Variants in CFAP70 observed in about 807,000 individuals in gnomAD.
CFAP70 encodes cilia and flagella associated protein 70.
In CFAP70, 81 loss-of-function variants were observed where a neutral mutation model predicts 137.6. That is an observed-to-expected ratio of 0.59 (90% CI 0.49 to 0.71). CFAP70 has a LOEUF of 0.71. Among genes scored for constraint, CFAP70 ranks in the 30% least tolerant of loss-of-function variants. The pLI is 0.00. For synonymous variants in CFAP70, 382 were observed against 423.6 expected (o/e 0.90, Z 1.20); for missense variants, 976 against 1,226.7 (o/e 0.80, Z 3.05).
At chr10:73,264,368 A>G (rs768935409) in intron 25 of CFAP70, among the ~76,000 whole-genome samples, 3 of 152,238 alleles carry the variant, frequency 2.0e-5, no homozygotes, top group African/African-American at 4.8e-5. Context: ...ATTTAGACAC[A>G]TATGAATATA....
In CFAP70 at chr10:73,275,586, C is replaced by T; in HGVS notation, c.2533G>A (p.Val845Met). 6.3e-7 allele frequency: 1 copy of T among 1,597,148 alleles called. No individual in the cohort carries two copies. Among genetic ancestry groups the T allele is most frequent in the East Asian group, 2.3e-5 (1 of 43,880 alleles). Reference sequence around the variant, plus strand: ...GGGCATAACAGCTCATGTGCAAGCACTCTGTGCACATACTGCAAGGATAAT... The same window carrying T: ...GGGCATAACAGCTCATGTGCAAGCATTCTGTGCACATACTGCAAGGATAAT... Residue 845 changes from valine (V) to methionine (M), a missense_variant, in exon 22 of 27, where the codon GTG (valine) becomes ATG (methionine). Transcript: ENST00000310715. This position sits in a 1 kb window ranked among gnomAD's most constrained non-coding sequence, Gnocchi z 4.0.
chr10:73,321,327 AG>A (rs1227691888), intron 9 of CFAP70, among the ~76,000 whole-genome samples: 1 of 152,170 alleles, frequency 6.6e-6, no homozygotes, highest in Admixed American at 6.5e-5. Flanking sequence ...CTGAGGCAGG[AG>A]AATTGCTTGA....
intron 19 of CFAP70, 117 bp downstream of exon 20, chr10:73,291,109 G>T: frequency 1.2e-6 from 1 of 825,172 alleles, no homozygotes; most frequent in South Asian, 1.6e-5. Context: ...TGAACTCCTG[G>T]GCTCAAGTGA....
upstream of CFAP70, among the ~76,000 whole-genome samples, chr10:73,362,297 T>C (rs1370965449): frequency 6.6e-6 from 1 of 152,174 alleles, no homozygotes; most frequent in Non-Finnish European, 1.5e-5. Context: ...ACTAAAACTA[T>C]AAATTTGAGG....
At chr10:73,345,135 G>C (rs1406606794) in intron 4 of CFAP70, 1 of 1,614,196 alleles carries the variant, frequency 6.2e-7, no homozygotes, top group South Asian at 1.1e-5. Context: ...GAAGGATTCA[G>C]GCACAGAGTA....
At chr10:73,283,623 T>G (rs552036831) in intron 19 of CFAP70, among the ~76,000 whole-genome samples, 1 of 152,352 alleles carries the variant, frequency 6.6e-6, no homozygotes, top group African/African-American at 2.4e-5. Flanking sequence ...CTCTGGAGTC[T>G]TCTTTGTCCA....
chr10:73,298,515 T>C (rs970260538), intron 14 of CFAP70, among the ~76,000 whole-genome samples: 11 of 152,182 alleles, frequency 7.2e-5, no homozygotes, highest in African/African-American at 2.7e-4. Flanking sequence ...AGGCCTCCTT[T>C]CTGATAACTG....
intron 4 of CFAP70, among the ~76,000 whole-genome samples, chr10:73,345,988 T>C (rs927399842): frequency 6.6e-6 from 1 of 150,656 alleles, no homozygotes; most frequent in Admixed American, 6.6e-5. Flanking sequence ...CAACCCCGCC[T>C]CCTGGGTTCA....
chr10:73,270,904 C>G (rs2046252751), intron 24 of CFAP70, among the ~76,000 whole-genome samples: 1 of 152,144 alleles, frequency 6.6e-6, no homozygotes, highest in Non-Finnish European at 1.5e-5. Context: ...GGCCTTTCAC[C>G]CACACCCATA....
Position 73,275,062 on chromosome 10 carries a change from C to G in CFAP70, c.2673+384G>C, listed in dbSNP as rs2046602589. ...TGGCTCAATCTCCGCTCACTGCAAC[C>G]TCCGCCTCCCAGGTTCAGGCGAGTC... is the stretch of plus-strand genomic sequence containing the variant. On this transcript the variant is annotated intron_variant, in intron 22 of 26. Coordinates refer to ENST00000310715, the Ensembl canonical transcript of CFAP70. The surrounding 1 kb of genome is among the most constrained non-coding windows in gnomAD (Gnocchi z 4.0). 1 of 162,288 alleles carries G rather than the reference C, an allele frequency of 6.2e-6. No homozygotes were observed. The highest frequency in any genetic ancestry group is 1.9e-4 in the South Asian group (1 of 5,358). 10.1% of individuals were successfully genotyped at this position (162,288 alleles called of 1,614,324 possible). A position where few individuals can be genotyped will look rare whatever the true frequency, so the allele number is the denominator to read the frequency against.
chr10:73,278,889 G>A (rs1336493698), intron 19 of CFAP70, among the ~76,000 whole-genome samples: 2 of 151,394 alleles, frequency 1.3e-5, no homozygotes, highest in Admixed American at 1.3e-4. Context: ...GCTGAGGCAG[G>A]AGAATGGCGT....
chr10:73,316,487 G>GATAT (rs551707557), intron 9 of CFAP70, among the ~76,000 whole-genome samples: 3,308 of 100,802 alleles, frequency 0.033, 53 homozygotes, highest in African/African-American at 0.046. Context: ...TATAGATATA[G>GATAT]ATATATATAT....
At chr10:73,281,419 C>CCTCAA (rs2047250316) in intron 19 of CFAP70, among the ~76,000 whole-genome samples, 1 of 151,714 alleles carries the variant, frequency 6.6e-6, no homozygotes, top group African/African-American at 2.4e-5. Flanking sequence ...AAACTCCTGG[C>CCTCAA]CTCAAGTGAT....
intron 12 of CFAP70, among the ~76,000 whole-genome samples, chr10:73,307,074 G>A (rs905471264): frequency 1.3e-5 from 2 of 152,174 alleles, no homozygotes; most frequent in Non-Finnish European, 2.9e-5. Flanking sequence ...CAATAACAAT[G>A]TAACGGGAGG....
chr10:73,304,248 T>C (rs748827480), intron 12 of CFAP70, among the ~76,000 whole-genome samples: 5 of 152,166 alleles, frequency 3.3e-5, no homozygotes, highest in Non-Finnish European at 5.9e-5. Context: ...GAGGCAGGGT[T>C]TCCCCACATT....
At chr10:73,347,915 A>G (rs1452188995) in intron 4 of CFAP70, among the ~76,000 whole-genome samples, 1 of 152,216 alleles carries the variant, frequency 6.6e-6, no homozygotes, top group African/African-American at 2.4e-5. Flanking sequence ...TACCTGCTCT[A>G]TGCCCATGTG....
chr10:73,284,283 T>C (rs1475498073), intron 19 of CFAP70, among the ~76,000 whole-genome samples: 2 of 151,582 alleles, frequency 1.3e-5, no homozygotes, highest in Non-Finnish European at 2.9e-5. Context: ...CGTTATCACA[T>C]TGTCTTTTTT....
chr10:73,287,871 CT>C (rs2047860698), intron 19 of CFAP70, among the ~76,000 whole-genome samples: 4 of 151,648 alleles, frequency 2.6e-5, no homozygotes, highest in Admixed American at 2.6e-4. Context: ...ATCTATCTAT[CT>C]ATCTATCTAT....
At chr10:73,312,832 T>G (rs1306287965) in intron 9 of CFAP70, among the ~76,000 whole-genome samples, 189 bp from the exon 11 acceptor site, 2 of 152,210 alleles carry the variant, frequency 1.3e-5, no homozygotes, top group African/African-American at 4.8e-5. Flanking sequence ...CACAGAAAGT[T>G]AGTTGCCTAC....
Sources: gnomAD v4.1 joint callset for allele counts (sites outside exome capture counted in the v4.1 genomes callset) on GRCh38, gnomAD v4.1.1 for gene constraint, Gnocchi (gnomAD v3.1) non-coding constraint, MANE v1.5 for transcripts, NCBI Gene and HGNC (gene_info 2026-07-23, HGNC 2026-07-21) for gene names.